PRICKLE1: variants seen among roughly 807,000 people sequenced by gnomAD.
PRICKLE1 encodes prickle-like protein 1.
A neutral mutation model predicts 70.2 loss-of-function variants in PRICKLE1; 14 were observed. The observed-to-expected ratio is 0.20, with a 90% CI of 0.13 to 0.31. The LOEUF (loss-of-function observed/expected upper bound fraction) is 0.31. Ranked by LOEUF, PRICKLE1 falls within the 10% of genes least tolerant of loss-of-function variation. The probability of loss-of-function intolerance (pLI) is 1.00; values close to 1 mark genes in which losing one functional copy is unlikely to be tolerated. For missense variants in PRICKLE1, 821 were observed against 1,026.2 expected (o/e 0.80, Z 2.73); for synonymous variants, 357 against 379.9 (o/e 0.94, Z 0.70).
chr12:42,540,066 AC>A (rs1254158385), intron 1 of PRICKLE1, among the ~76,000 whole-genome samples: 1 of 152,166 alleles, frequency 6.6e-6, no homozygotes, highest in Non-Finnish European at 1.5e-5. Context: ...TACATCATGA[AC>A]CTCCCTGGTT....
In PRICKLE1 at chr12:42,468,818, C is replaced by T; in HGVS notation, c.396G>A (p.Lys132=). The T allele has an allele frequency of 6.2e-7, 1 of 1,614,114 alleles. No homozygotes were observed. ...MHAVCEQCGL[K]INGGEVAVFA... ...ACACTGCAACTTCACCTCCATTTAT[C>T]TTCAAACCACACTACAAACAAATGG... The change falls in exon 5 of 8, where the codon AAG becomes AAA. Residue 132 remains lysine (K), a synonymous_variant. Coordinates refer to ENST00000345127, the MANE Select transcript of PRICKLE1 (RefSeq NM_153026.3).
intron 1 of PRICKLE1, among the ~76,000 whole-genome samples, chr12:42,481,063 TG>T (rs1000117863): frequency 6.6e-6 from 1 of 152,162 alleles, no homozygotes; most frequent in African/African-American, 2.4e-5. Flanking sequence ...AGGAAGAAAT[TG>T]GGCCAAAGAC....
At position 42,476,176 on chromosome 12, in the gene PRICKLE1, CTTCTTTT is replaced by C. The variant is rs557670301; in HGVS notation, c.-48-3619_-48-3613del. ...AGAGTTGCTACATCATCACTAGCAA[CTTCTTTT>C]TTCTTTTTTCTTTTTTTTTTTTGAG... On this transcript the variant is annotated intron_variant, in intron 1 of 7. Coordinates refer to ENST00000345127, the MANE Select transcript of PRICKLE1 (RefSeq NM_153026.3). 4.3e-3 allele frequency among the ~76,000 whole-genome samples: 637 copies of C among 147,500 alleles called. 3 individuals carry two copies. The highest frequency in any genetic ancestry group is 0.015 in the African/African-American group (601 of 38,934).
rs1169151412 is a variant in PRICKLE1, at chr12:42,460,674, G to T, written c.1640-9C>A. ...TCCATCCACCGAAGCCCCTAGAAGAGAGGCCAAAACAAGATGTGCTTCTCA... is the reference window on the plus strand; with the variant it reads ...TCCATCCACCGAAGCCCCTAGAAGATAGGCCAAAACAAGATGTGCTTCTCA... On this transcript the variant is annotated splice_polypyrimidine_tract_variant and intron_variant, in intron 7 of 7. Coordinates refer to ENST00000345127, the MANE Select transcript of PRICKLE1 (RefSeq NM_153026.3). The T allele has an allele frequency of 2.5e-6, 4 of 1,606,114 alleles. No homozygotes were observed. In the African/African-American group the frequency reaches 5.3e-5, roughly 21 times the overall value.
chr12:42,522,677 A>G (rs1440663831), intron 1 of PRICKLE1, among the ~76,000 whole-genome samples: 1 of 152,212 alleles, frequency 6.6e-6, no homozygotes, highest in African/African-American at 2.4e-5. Context: ...GCACTTTGCT[A>G]TGAGAAATGC....
chr12:42,564,737 GTTA>G (rs549989462), intron 1 of PRICKLE1, among the ~76,000 whole-genome samples: 68 of 152,308 alleles, frequency 4.5e-4, no homozygotes, highest in African/African-American at 1.6e-3. Context: ...AAAGAATGTA[GTTA>G]TTATTATTTT....
At chr12:42,566,890 T>C (rs1203717794) in intron 1 of PRICKLE1, among the ~76,000 whole-genome samples, 2 of 152,236 alleles carry the variant, frequency 1.3e-5, no homozygotes, top group Admixed American at 6.5e-5. Context: ...CACTATCATA[T>C]GCTTGGTTCT....
At chr12:42,582,274 G>T (rs1940915001) in intron 1 of PRICKLE1, among the ~76,000 whole-genome samples, 6 of 152,184 alleles carry the variant, frequency 3.9e-5, no homozygotes, top group Admixed American at 3.9e-4. Flanking sequence ...ACTAGGTGAG[G>T]GGGGCAAGTT....
At chr12:42,509,580 C>A (rs1939476534) in intron 1 of PRICKLE1, among the ~76,000 whole-genome samples, 1 of 152,080 alleles carries the variant, frequency 6.6e-6, no homozygotes, top group Admixed American at 6.6e-5. Flanking sequence ...ATGCTCAGTG[C>A]AGCAACACAT....
chr12:42,504,085 T>C (rs938375383), intron 1 of PRICKLE1, among the ~76,000 whole-genome samples: 5 of 152,090 alleles, frequency 3.3e-5, no homozygotes, highest in Admixed American at 1.3e-4. Flanking sequence ...CTGTGGATGG[T>C]TTAAAAAAGG....
chr12:42,459,389 A>T lies in PRICKLE1; in HGVS notation c.*420T>A. ...TAGGTCATCGTGACAGGCATGCCTCACACCAAGACGGACTATCAAGACCTG... is the reference window on the plus strand; with the variant it reads ...TAGGTCATCGTGACAGGCATGCCTCTCACCAAGACGGACTATCAAGACCTG... On this transcript the variant is annotated 3_prime_UTR_variant, in exon 8 of 8. Transcript: ENST00000345127. 1.4e-6 allele frequency: 1 copy of T among 702,280 alleles called. No homozygotes were observed. The highest frequency in any genetic ancestry group is 2.7e-5 in the East Asian group (1 of 37,286). 43.5% of individuals were successfully genotyped at this position (702,280 alleles called of 1,614,324 possible).
At chr12:42,529,480 C>G (rs546203449) in intron 1 of PRICKLE1, among the ~76,000 whole-genome samples, 1 of 152,282 alleles carries the variant, frequency 6.6e-6, no homozygotes, top group South Asian at 2.1e-4. Context: ...ATTGTTTATA[C>G]AAAATAAAAT....
intron 1 of PRICKLE1, among the ~76,000 whole-genome samples, chr12:42,523,274 T>G (rs2034615): frequency 0.22 from 33,884 of 152,238 alleles, 4,004 homozygotes; most frequent in Middle Eastern, 0.31. Context: ...GCCAATTTTT[T>G]GTTTCTTAAT....
intron 1 of PRICKLE1, among the ~76,000 whole-genome samples, chr12:42,495,321 G>A (rs1440484444): frequency 6.7e-6 from 1 of 150,280 alleles, no homozygotes; most frequent in Non-Finnish European, 1.5e-5. Context: ...GGGAGACAGA[G>A]GTCACTGAGA....
intron 1 of PRICKLE1, among the ~76,000 whole-genome samples, chr12:42,549,766 G>A (rs889393463): frequency 6.6e-6 from 1 of 152,118 alleles, no homozygotes; most frequent in African/African-American, 2.4e-5. Flanking sequence ...GAACTTCTTA[G>A]CAAAGCTCCA....
rs765322400 is a variant in PRICKLE1 at position 42,466,332 on chromosome 12, T to G, written c.637A>C (p.Met213Leu). ...CACTCAAGGCAGCAGAAGTGTTTCA[T>G]GTGCCAATGGCGACCCTCAGCTTCT... ...CTEAEGRHWH[M>L]KHFCCLECET... is the part of the protein sequence containing the mutation. The change falls in exon 6 of 8, where the codon ATG (methionine) becomes CTG (leucine). Residue 213 changes from methionine to leucine, a missense_variant. By Grantham distance (15) the Met-to-Leu change is conservative. Coordinates refer to ENST00000345127, the MANE Select transcript of PRICKLE1 (RefSeq NM_153026.3). The G allele has an allele frequency of 6.2e-7, 1 of 1,614,222 alleles. No homozygotes were observed. Among genetic ancestry groups the G allele is most frequent in the South Asian group, 1.1e-5 (1 of 91,086 alleles).
chr12:42,517,306 ATTTTTTTT>A (rs71794718), intron 1 of PRICKLE1, among the ~76,000 whole-genome samples: 2 of 88,956 alleles, frequency 2.2e-5, no homozygotes, highest in Non-Finnish European at 4.1e-5. Context: ...TCAGTCTGCC[ATTTTTTTT>A]TTTTTTTTTT....
chr12:42,515,003 T>C (rs549513496), intron 1 of PRICKLE1, among the ~76,000 whole-genome samples: 1 of 152,208 alleles, frequency 6.6e-6, no homozygotes, highest in African/African-American at 2.4e-5. Context: ...ATCTTGGCAC[T>C]GCAACTTCCG....
chr12:42,546,282 G>T (rs933927442), intron 1 of PRICKLE1, among the ~76,000 whole-genome samples: 4 of 152,110 alleles, frequency 2.6e-5, no homozygotes, highest in African/African-American at 9.7e-5. Flanking sequence ...AATTTGAAAA[G>T]GACTGGTAAT....
Sources: allele counts gnomAD v4.1 joint callset (sites outside exome capture counted in the v4.1 genomes callset), GRCh38; gene constraint gnomAD v4.1.1; transcripts MANE v1.5; gene names NCBI Gene and HGNC (gene_info 2026-07-23, HGNC 2026-07-21).